Variants in ROR1 observed in about 807,000 individuals in gnomAD.
ROR1 encodes inactive tyrosine-protein kinase transmembrane receptor ROR1.
A neutral mutation model predicts 78.8 loss-of-function variants in ROR1; 19 were observed. The observed-to-expected ratio is 0.24, with a 90% confidence interval of 0.17 to 0.35. The LOEUF (loss-of-function observed/expected upper bound fraction) is 0.35, where lower values mean the gene tolerates loss of function less well. ROR1 is among the 10% of genes least tolerant of loss of function. ROR1 has a pLI of 1.00. For missense variants in ROR1, 917 were observed against 1,177.8 expected (o/e 0.78, Z 3.24); for synonymous variants, 386 against 433.6 (o/e 0.89, Z 1.36).
At chr1:64,170,578 A>G (rs1407118091) in intron 8 of ROR1, among the ~76,000 whole-genome samples, 1 of 152,188 alleles carries the variant, frequency 6.6e-6, no homozygotes, top group African/African-American at 2.4e-5. Flanking sequence ...GGTGATTAAC[A>G]TTTGGCTTCT....
At chr1:63,933,218 T>A (rs1569934577) in intron 1 of ROR1, among the ~76,000 whole-genome samples, 1 of 152,210 alleles carries the variant, frequency 6.6e-6, no homozygotes, top group Non-Finnish European at 1.5e-5. Flanking sequence ...ATAGTAGTGG[T>A]GCCTGCTGCA....
chr1:63,914,787 C>G (rs1198078036), intron 1 of ROR1, among the ~76,000 whole-genome samples: 3 of 152,062 alleles, frequency 2.0e-5, no homozygotes, highest in Admixed American at 6.6e-5. Flanking sequence ...AATCTGTACC[C>G]CTCCACCCCC....
At chr1:63,787,187 T>TG (rs1230674158) in intron 1 of ROR1, among the ~76,000 whole-genome samples, 1 of 152,170 alleles carries the variant, frequency 6.6e-6, no homozygotes, top group Non-Finnish European at 1.5e-5. Context: ...CAAACTGTAT[T>TG]GCATCCACAT....
chr1:64,033,088 C>G (rs1646674254), intron 2 of ROR1, among the ~76,000 whole-genome samples: 1 of 151,992 alleles, frequency 6.6e-6, no homozygotes, highest in Non-Finnish European at 1.5e-5. Context: ...TGCCACTGAG[C>G]TAAACACTTA....
At chr1:64,023,678 A>G (rs1441472851) in intron 2 of ROR1, among the ~76,000 whole-genome samples, 1 of 152,248 alleles carries the variant, frequency 6.6e-6, no homozygotes, top group Non-Finnish European at 1.5e-5. Flanking sequence ...ATATTTTTAC[A>G]GATATATTTA....
intron 4 of ROR1, among the ~76,000 whole-genome samples, chr1:64,135,602 T>A (rs1649074792): frequency 6.6e-6 from 1 of 152,032 alleles, no homozygotes; most frequent in South Asian, 2.1e-4. Flanking sequence ...TCCCCATAGG[T>A]TTATGGTATT....
chr1:63,969,626 C>T (rs1170623175), intron 1 of ROR1, among the ~76,000 whole-genome samples: 11 of 152,070 alleles, frequency 7.2e-5, no homozygotes, highest in Admixed American at 7.2e-4. Context: ...CATTGTCCAT[C>T]CAGTGTCCGA....
intron 7 of ROR1, among the ~76,000 whole-genome samples, chr1:64,150,701 T>C (rs1378620678): frequency 2.0e-5 from 3 of 152,228 alleles, no homozygotes; most frequent in African/African-American, 4.8e-5. Context: ...AGAGTTATTT[T>C]TATACTGCAG....
intron 1 of ROR1, among the ~76,000 whole-genome samples, chr1:63,902,121 A>C (rs1471183787): frequency 6.6e-6 from 1 of 152,180 alleles, no homozygotes; most frequent in Non-Finnish European, 1.5e-5. Context: ...ATTCAGTTTA[A>C]GTCTGCAGAT....
At chr1:64,049,581 T>C in intron 2 of ROR1, 110 bp from the exon 3 acceptor site, 1 of 935,420 alleles carries the variant, frequency 1.1e-6, no homozygotes, top group Admixed American at 2.2e-5. Context: ...CACCTGCCTC[T>C]CCTGCTCAGC....
intron 1 of ROR1, among the ~76,000 whole-genome samples, chr1:64,008,863 G>C (rs1646451979): frequency 6.6e-6 from 1 of 152,040 alleles, no homozygotes; most frequent in South Asian, 2.1e-4. Flanking sequence ...TCGAACTCCT[G>C]ACCTTGTGAT....
chr1:63,951,961 T>C (rs2100471643), intron 1 of ROR1, among the ~76,000 whole-genome samples: 1 of 152,356 alleles, frequency 6.6e-6, no homozygotes, highest in Admixed American at 6.5e-5. Context: ...ATCAATTTAC[T>C]GAGTGCCAGG....
At chr1:64,091,461 G>T (rs1647196517) in intron 4 of ROR1, among the ~76,000 whole-genome samples, 1 of 152,112 alleles carries the variant, frequency 6.6e-6, no homozygotes, top group African/African-American at 2.4e-5. Context: ...TAATAAGTGA[G>T]GTTGCTGATG....
chr1:63,844,250 A>C (rs532864994), intron 1 of ROR1, among the ~76,000 whole-genome samples: 1 of 152,244 alleles, frequency 6.6e-6, no homozygotes, highest in African/African-American at 2.4e-5. Context: ...ATCTGGCTAC[A>C]TGGTTTTCTG....
At chr1:63,894,616 G>T (rs1357413790) in intron 1 of ROR1, among the ~76,000 whole-genome samples, 2 of 152,140 alleles carry the variant, frequency 1.3e-5, no homozygotes, top group East Asian at 3.9e-4. Flanking sequence ...TTTGGGACAG[G>T]TGGGTAAGAG....
intron 1 of ROR1, among the ~76,000 whole-genome samples, chr1:63,853,154 A>G (rs144102431): frequency 6.6e-6 from 1 of 152,270 alleles, no homozygotes; most frequent in East Asian, 1.9e-4. Context: ...GATTACACCT[A>G]TCCCCTGCTC....
chr1:63,946,754 G>T (rs754124098), intron 1 of ROR1, among the ~76,000 whole-genome samples: 9 of 152,142 alleles, frequency 5.9e-5, no homozygotes, highest in Non-Finnish European at 1.2e-4. Flanking sequence ...GTATATCTGT[G>T]ACAGGCACAG....
intron 2 of ROR1, among the ~76,000 whole-genome samples, chr1:64,012,423 A>G (rs1046037949): frequency 2.0e-5 from 3 of 152,180 alleles, no homozygotes; most frequent in African/African-American, 7.2e-5. Flanking sequence ...ACAAGCCACA[A>G]ACCAAGATGG....
intron 2 of ROR1, among the ~76,000 whole-genome samples, chr1:64,026,872 A>G (rs564241976): frequency 6.6e-6 from 1 of 152,362 alleles, no homozygotes; most frequent in East Asian, 1.9e-4. Context: ...TATGGGGATT[A>G]CAATTCCAGA....
Sources: allele counts gnomAD v4.1 joint callset (sites outside exome capture counted in the v4.1 genomes callset), GRCh38; gene constraint gnomAD v4.1.1; transcripts MANE v1.5; gene names NCBI Gene and HGNC (gene_info 2026-07-23, HGNC 2026-07-21).